BMPR1B: variants seen among roughly 807,000 people sequenced by gnomAD.
BMPR1B encodes bone morphogenetic protein receptor type 1B.
BMPR1B carries 12 observed loss-of-function variants against 59.1 expected under a neutral mutation model. The observed-to-expected ratio is 0.20, with a 90% CI of 0.13 to 0.33. The LOEUF (loss-of-function observed/expected upper bound fraction) is 0.33, where lower values mean the gene tolerates loss of function less well. Among genes scored for constraint, BMPR1B ranks in the 10% least tolerant of loss-of-function variants. The pLI is 1.00. For missense variants in BMPR1B, 550 were observed against 610.9 expected (o/e 0.90, Z 1.05); for synonymous variants, 237 against 207.3 (o/e 1.14, Z -1.23).
At chr4:95,120,567 A>G (rs1287355558) in intron 6 of BMPR1B, among the ~76,000 whole-genome samples, 1 of 151,688 alleles carries the variant, frequency 6.6e-6, no homozygotes, top group Non-Finnish European at 1.5e-5. Flanking sequence ...GCAAGGTTTA[A>G]GGATACAGAA....
chr4:94,871,316 T>C (rs1726489560), intron 1 of BMPR1B, among the ~76,000 whole-genome samples: 1 of 152,212 alleles, frequency 6.6e-6, no homozygotes, highest in Non-Finnish European at 1.5e-5. Context: ...AGTCTTGGTA[T>C]GGTAAAAATA....
chr4:94,867,872 A>T (rs1303427983), intron 1 of BMPR1B, among the ~76,000 whole-genome samples: 2 of 152,004 alleles, frequency 1.3e-5, no homozygotes, highest in Non-Finnish European at 1.5e-5. Flanking sequence ...TTGGAGACAG[A>T]GTCTCACTTC....
chr4:95,071,652 G>GTATATATATATATATATA (rs58148216), intron 3 of BMPR1B, among the ~76,000 whole-genome samples: 116 of 84,262 alleles, frequency 1.4e-3, no homozygotes, highest in East Asian at 3.7e-3. Context: ...GTGTGTGTGT[G>GTATATATATATATATATA]TATATATATA....
At chr4:94,951,877 C>T (rs1167827031) in intron 2 of BMPR1B, among the ~76,000 whole-genome samples, 6 of 143,574 alleles carry the variant, frequency 4.2e-5, no homozygotes, top group East Asian at 1.9e-4. Context: ...GCTGTGAATT[C>T]GTCTGGTCCT....
In BMPR1B at chr4:95,024,638, A is replaced by T. The variant is rs374872147; in HGVS notation, c.-18+28504A>T. On this transcript the variant is annotated intron_variant, in intron 3 of 12. Coordinates refer to ENST00000515059, the MANE Select transcript of BMPR1B (RefSeq NM_001203.3). ...TATAGATGCTTGCGACATTGTTGTGAACATGACAAAGTACCCATCCCTGGA... is the reference window on the plus strand; with the variant it reads ...TATAGATGCTTGCGACATTGTTGTGTACATGACAAAGTACCCATCCCTGGA... Among the ~76,000 whole-genome samples the T allele has an allele frequency of 4.3e-4, 66 of 152,324 alleles. 2 individuals carry two copies. The South Asian group carries it at 0.013, about 30-fold the overall frequency.
At chr4:95,018,946 T>C (rs908227251) in intron 3 of BMPR1B, among the ~76,000 whole-genome samples, 3 of 152,188 alleles carry the variant, frequency 2.0e-5, no homozygotes, top group African/African-American at 7.2e-5. Context: ...TCTATTTTGA[T>C]AATCCTTGTC....
intron 3 of BMPR1B, among the ~76,000 whole-genome samples, chr4:95,064,754 A>G (rs1727673110): frequency 6.6e-6 from 1 of 152,218 alleles, no homozygotes; most frequent in Non-Finnish European, 1.5e-5. Flanking sequence ...AAGAATGTAT[A>G]CAAGTGGCTG....
At chr4:94,772,836 T>C (rs1008567234) in intron 1 of BMPR1B, among the ~76,000 whole-genome samples, 1 of 152,208 alleles carries the variant, frequency 6.6e-6, no homozygotes, top group African/African-American at 2.4e-5. Context: ...AGGCTTGTTA[T>C]GCATGTCAAG....
intron 3 of BMPR1B, among the ~76,000 whole-genome samples, chr4:95,051,407 G>A (rs201724536): frequency 6.6e-6 from 1 of 152,146 alleles, no homozygotes; most frequent in South Asian, 2.1e-4. Flanking sequence ...AAGCCCCGGC[G>A]TGTGCTAGCC....
At chr4:94,874,987 C>T (rs371969240) in intron 1 of BMPR1B, among the ~76,000 whole-genome samples, 31 of 151,874 alleles carry the variant, frequency 2.0e-4, no homozygotes, top group Admixed American at 3.3e-4. Context: ...AGCGAGACAC[C>T]GTCTCAAAAA....
intron 6 of BMPR1B, among the ~76,000 whole-genome samples, chr4:95,116,983 G>A (rs1054092074): frequency 4.6e-5 from 7 of 152,018 alleles, no homozygotes; most frequent in African/African-American, 1.2e-4. Flanking sequence ...AGAGAGCACC[G>A]TGTCAATAAC....
At chr4:94,983,845 C>T (rs1056160455) in intron 2 of BMPR1B, among the ~76,000 whole-genome samples, 3 of 152,198 alleles carry the variant, frequency 2.0e-5, no homozygotes, top group African/African-American at 7.2e-5. Flanking sequence ...GATGTAGCCA[C>T]CAGTCTGTCT....
At chr4:95,053,733 C>T (rs1726701942) in intron 3 of BMPR1B, among the ~76,000 whole-genome samples, 1 of 152,098 alleles carries the variant, frequency 6.6e-6, no homozygotes, top group Non-Finnish European at 1.5e-5. Flanking sequence ...ATTTTCCCAG[C>T]TTTGTCACCA....
rs189579299 is a variant in BMPR1B, at chr4:94,967,331, T to C, written c.-112-28709T>C. 3.3e-5 allele frequency among the ~76,000 whole-genome samples: 5 copies of C among 152,298 alleles called. No individual in the cohort carries two copies. In the East Asian group the frequency reaches 7.7e-4, roughly 24 times the overall value. On this transcript the variant is annotated intron_variant, in intron 2 of 12. Transcript: ENST00000515059. ...ACCATAGCCGTTCAGAAAGTAGGGATTGTCACAAATACGACCCTGTTGTTA... is the reference window on the plus strand; with the variant it reads ...ACCATAGCCGTTCAGAAAGTAGGGACTGTCACAAATACGACCCTGTTGTTA...
intron 1 of BMPR1B, among the ~76,000 whole-genome samples, chr4:94,843,318 G>T (rs1316902149): frequency 6.6e-6 from 1 of 152,202 alleles, no homozygotes; most frequent in African/African-American, 2.4e-5. Flanking sequence ...ACTGTTCATA[G>T]ATTCTCCTGG....
intron 3 of BMPR1B, among the ~76,000 whole-genome samples, chr4:95,096,508 C>T (rs943495979): frequency 4.0e-5 from 6 of 150,680 alleles, no homozygotes; most frequent in Admixed American, 2.0e-4. Flanking sequence ...TTATAAGAAT[C>T]ATAAGGAATA....
chr4:95,041,639 C>T (rs1002089406), intron 3 of BMPR1B, among the ~76,000 whole-genome samples: 45 of 145,238 alleles, frequency 3.1e-4, no homozygotes, highest in Admixed American at 8.3e-4. Flanking sequence ...CCAGATATTT[C>T]TTCTAGAACA....
chr4:94,953,954 G>C (rs926366547), intron 2 of BMPR1B, among the ~76,000 whole-genome samples: 1 of 151,858 alleles, frequency 6.6e-6, no homozygotes, highest in African/African-American at 2.4e-5. Flanking sequence ...TGGAGGCTTT[G>C]TTCATTCCTT....
intron 1 of BMPR1B, among the ~76,000 whole-genome samples, chr4:94,863,448 C>T (rs13146319): frequency 0.38 from 57,284 of 151,980 alleles, 10,923 homozygotes; most frequent in South Asian, 0.48. Flanking sequence ...TAAAGTGGGA[C>T]AGTGAACACT....
Sources: allele counts gnomAD v4.1 joint callset (sites outside exome capture counted in the v4.1 genomes callset), GRCh38; gene constraint gnomAD v4.1.1; transcripts MANE v1.5; gene names NCBI Gene and HGNC (gene_info 2026-07-23, HGNC 2026-07-21).